GRM7: variants seen among roughly 807,000 people sequenced by gnomAD.
GRM7 encodes metabotropic glutamate receptor 7.
A neutral mutation model predicts 84.5 loss-of-function variants in GRM7; 35 were observed. That is an observed-to-expected ratio of 0.41 (90% CI 0.32 to 0.55). The LOEUF (loss-of-function observed/expected upper bound fraction) is 0.55, where lower values mean the gene tolerates loss of function less well. GRM7 is among the 20% of genes least tolerant of loss of function. The probability of loss-of-function intolerance (pLI) is 0.19; values close to 1 mark genes in which losing one functional copy is unlikely to be tolerated. For missense variants in GRM7, 1,003 were observed against 1,194.6 expected, an observed-to-expected ratio of 0.84 and a Z score of 2.36; for synonymous variants, 487 against 455.1, an observed-to-expected ratio of 1.07 and a Z score of -0.89.
chr3:7,692,327 A>G (rs2125151939), intron 9 of GRM7, among the ~76,000 whole-genome samples: 1 of 152,266 alleles, frequency 6.6e-6, no homozygotes, highest in South Asian at 2.1e-4. Flanking sequence ...GTTCTGGGGT[A>G]TGTCTTGAGT....
intron 1 of GRM7, among the ~76,000 whole-genome samples, chr3:7,006,307 G>C (rs1695182284): frequency 6.6e-6 from 1 of 152,114 alleles, no homozygotes; most frequent in Non-Finnish European, 1.5e-5. Flanking sequence ...GAGCTTCATA[G>C]TCATACTACC....
chr3:7,708,741 C>G (rs1701483572), intron 9 of GRM7, among the ~76,000 whole-genome samples: 1 of 152,092 alleles, frequency 6.6e-6, no homozygotes, highest in Non-Finnish European at 1.5e-5. Context: ...TACGGTTGAT[C>G]TTCCCTAGCT....
intron 2 of GRM7, among the ~76,000 whole-genome samples, chr3:7,287,314 G>A (rs1575122137): frequency 6.6e-6 from 1 of 152,110 alleles, no homozygotes; most frequent in African/African-American, 2.4e-5. Context: ...AACAGAAAGA[G>A]GATGAGCAAG....
intron 8 of GRM7, among the ~76,000 whole-genome samples, chr3:7,580,900 A>G (rs1178330882): frequency 1.3e-5 from 2 of 151,072 alleles, no homozygotes; most frequent in Admixed American, 1.3e-4. Flanking sequence ...GAAAAAAAAA[A>G]TCCCCAAATA....
At chr3:6,866,448 A>G (rs1434868978) in intron 1 of GRM7, among the ~76,000 whole-genome samples, 1 of 151,818 alleles carries the variant, frequency 6.6e-6, no homozygotes, top group African/African-American at 2.4e-5. Flanking sequence ...TCCAGCTCCC[A>G]CTTTTGGTGA....
intron 2 of GRM7, among the ~76,000 whole-genome samples, chr3:7,206,803 T>G (rs1696255409): frequency 6.6e-6 from 1 of 152,192 alleles, no homozygotes; most frequent in Admixed American, 6.5e-5. Context: ...GTGAAGCCAC[T>G]TCAGCCTTCC....
intron 1 of GRM7, among the ~76,000 whole-genome samples, chr3:7,029,798 G>A (rs768421606): frequency 3.9e-5 from 6 of 152,102 alleles, no homozygotes; most frequent in Non-Finnish European, 5.9e-5. Flanking sequence ...TGATGGTTAC[G>A]CAATCGTGCT....
intron 1 of GRM7, among the ~76,000 whole-genome samples, chr3:6,948,873 G>T (rs960283050): frequency 6.6e-6 from 1 of 152,082 alleles, no homozygotes; most frequent in African/African-American, 2.4e-5. Flanking sequence ...GACTAAGATT[G>T]CAACCCCTGC....
chr3:7,229,751 ATATATATATTTTTTTTT>A lies in GRM7; in HGVS notation c.737-68931_737-68915del, dbSNP rs1697117189. 1.7e-4 allele frequency among the ~76,000 whole-genome samples: 5 copies of A among 28,636 alleles called. 1 individual carries two copies. The highest frequency in any genetic ancestry group is 3.3e-4 in the Non-Finnish European group (5 of 15,148). 18.8% of individuals were successfully genotyped at this position (28,636 alleles called of 152,430 possible). A position where few individuals can be genotyped will look rare whatever the true frequency, so the allele number is the denominator to read the frequency against. On this transcript the variant is annotated intron_variant, in intron 2 of 9. Coordinates refer to ENST00000357716, the MANE Select transcript of GRM7 (RefSeq NM_000844.4). ...CATATATATATATATATATATATAT[ATATATATATTTTTTTTT>A]TTTTTTGGTTGACAGGTGTTGAGTG...
chr3:7,190,870 G>A (rs1695688767), intron 2 of GRM7, among the ~76,000 whole-genome samples: 3 of 152,024 alleles, frequency 2.0e-5, no homozygotes, highest in Admixed American at 6.6e-5. Context: ...GATAAAAGCT[G>A]TCCCAGGTAT....
Position 7,707,852 on chromosome 3 carries a change from C to T in GRM7, c.2698+27557C>T, listed in dbSNP as rs11921169. ...TGTGCTGTATGCTCATAGTTTGCCCCATTTGCCATTTAACTTCATTCTTAT... is the reference window on the plus strand; with the variant it reads ...TGTGCTGTATGCTCATAGTTTGCCCTATTTGCCATTTAACTTCATTCTTAT... On this transcript the variant is annotated intron_variant, in intron 9 of 9. Coordinates refer to ENST00000357716, the MANE Select transcript of GRM7 (RefSeq NM_000844.4). Among the ~76,000 whole-genome samples the T allele has an allele frequency of 5.4e-3, 827 of 152,192 alleles. 9 individuals carry two copies. The highest frequency in any genetic ancestry group is 0.017 in the African/African-American group (719 of 41,506).
chr3:7,725,496 C>T (rs879914784), intron 9 of GRM7, among the ~76,000 whole-genome samples: 14 of 152,120 alleles, frequency 9.2e-5, no homozygotes, highest in Admixed American at 4.6e-4. Context: ...TGAGACATCA[C>T]ACAGGCACAC....
intron 2 of GRM7, among the ~76,000 whole-genome samples, chr3:7,271,255 A>G (rs901569954): frequency 6.6e-6 from 1 of 152,150 alleles, no homozygotes. Flanking sequence ...ATAACCTGGA[A>G]CTCGTTAGAA....
intron 1 of GRM7, among the ~76,000 whole-genome samples, chr3:7,052,237 C>A (rs1278212985): frequency 6.6e-6 from 1 of 151,632 alleles, no homozygotes; most frequent in South Asian, 2.1e-4. Flanking sequence ...CTGGTAAAAA[C>A]TATTTATCCC....
intron 4 of GRM7, among the ~76,000 whole-genome samples, chr3:7,306,858 T>C (rs148591176): frequency 6.6e-6 from 1 of 152,154 alleles, no homozygotes; most frequent in Non-Finnish European, 1.5e-5. Flanking sequence ...CATATTATTT[T>C]CATAATATCA....
At chr3:7,018,208 C>A (rs1173931451) in intron 1 of GRM7, among the ~76,000 whole-genome samples, 2 of 152,114 alleles carry the variant, frequency 1.3e-5, no homozygotes, top group African/African-American at 4.8e-5. Flanking sequence ...TATTTACATT[C>A]TTTTTTTCAT....
intron 1 of GRM7, among the ~76,000 whole-genome samples, chr3:6,909,768 G>A (rs17046318): frequency 0.067 from 10,119 of 151,840 alleles, 692 homozygotes; most frequent in East Asian, 0.33. Flanking sequence ...TATAAATCAC[G>A]TATTCCTGTT....
At chr3:7,357,981 G>A (rs1477021339) in intron 4 of GRM7, among the ~76,000 whole-genome samples, 2 of 152,042 alleles carry the variant, frequency 1.3e-5, no homozygotes, top group Admixed American at 6.6e-5. Context: ...GTCCCTGCAG[G>A]CATGTGACAT....
intron 8 of GRM7, among the ~76,000 whole-genome samples, chr3:7,669,085 A>G (rs1268416759): frequency 1.3e-5 from 2 of 152,240 alleles, no homozygotes; most frequent in Non-Finnish European, 2.9e-5. Flanking sequence ...CTTGACGCCA[A>G]TTCTATTGCA....
Sources: gnomAD v4.1 joint callset for allele counts (sites outside exome capture counted in the v4.1 genomes callset) on GRCh38, gnomAD v4.1.1 for gene constraint, MANE v1.5 for transcripts, NCBI Gene and HGNC (gene_info 2026-07-23, HGNC 2026-07-21) for gene names.